The following TXNDC16 variants were observed in gnomAD, a reference collection of about 807,000 sequenced individuals.
The protein encoded by TXNDC16 is thioredoxin domain-containing protein 16.
Under a neutral mutation model 85.6 loss-of-function variants are expected in TXNDC16, and 74 were observed. The observed-to-expected ratio is 0.86, with a 90% CI of 0.72 to 1.05. The LOEUF (loss-of-function observed/expected upper bound fraction) is 1.05. TXNDC16 is among the 50% of genes least tolerant of loss of function. The probability of loss-of-function intolerance (pLI) is 0.00; values close to 1 mark genes in which losing one functional copy is unlikely to be tolerated. For synonymous variants in TXNDC16, 335 were observed against 326.5 expected (o/e 1.03, Z -0.28); for missense variants, 959 against 947.0 (o/e 1.01, Z -0.17).
chr14:52,461,095 CTTTT>C (rs923118391), intron 16 of TXNDC16, among the ~76,000 whole-genome samples: 1 of 147,390 alleles, frequency 6.8e-6, no homozygotes. Flanking sequence ...TAAATAACTT[CTTTT>C]TTTCTCACAT....
At chr14:52,497,351 G>A (rs2036555423) in intron 9 of TXNDC16, among the ~76,000 whole-genome samples, 1 of 152,012 alleles carries the variant, frequency 6.6e-6, no homozygotes, top group South Asian at 2.1e-4. Flanking sequence ...TCCCAACAAA[G>A]AAAAGTCCAG....
chr14:52,508,764 T>C (rs938295990), intron 9 of TXNDC16, among the ~76,000 whole-genome samples: 23 of 152,118 alleles, frequency 1.5e-4, no homozygotes, highest in Admixed American at 1.0e-3. Context: ...ATGTCCTTTG[T>C]AGGGACATGG....
chr14:52,478,644 T>C (rs1205848319), intron 14 of TXNDC16, among the ~76,000 whole-genome samples: 2 of 151,918 alleles, frequency 1.3e-5, no homozygotes, highest in African/African-American at 4.8e-5. Flanking sequence ...AACAGTGCAA[T>C]ATCAACCAGT....
chr14:52,488,359 T>C lies in TXNDC16; in HGVS notation c.1108+4A>G. ...GGGAAGGGGTGAGAATCATAACACATTACCTATATCTGGACCTTCCATGTC... is the reference window on the plus strand; with the variant it reads ...GGGAAGGGGTGAGAATCATAACACACTACCTATATCTGGACCTTCCATGTC... On this transcript the variant is annotated splice_donor_region_variant and intron_variant, in intron 12 of 20. Transcript: ENST00000281741. 1.2e-6 allele frequency: 2 copies of C among 1,612,930 alleles called. No individual in the cohort carries two copies. The highest frequency in any genetic ancestry group is 1.1e-5 in the South Asian group (1 of 90,956).
intron 9 of TXNDC16, among the ~76,000 whole-genome samples, chr14:52,505,568 G>A (rs2036776989): frequency 6.6e-6 from 1 of 152,202 alleles, no homozygotes; most frequent in Non-Finnish European, 1.5e-5. Context: ...TCAAAGCAGT[G>A]TGTAGAGGGA....
chr14:52,436,692 T>C (rs957007158), intron 20 of TXNDC16, among the ~76,000 whole-genome samples: 1 of 152,168 alleles, frequency 6.6e-6, no homozygotes, highest in Admixed American at 6.5e-5. Flanking sequence ...GTGTAATGAT[T>C]GACCCTAAAA....
At chr14:52,496,171 A>AG (rs1476221722) in intron 9 of TXNDC16, among the ~76,000 whole-genome samples, 2 of 152,060 alleles carry the variant, frequency 1.3e-5, no homozygotes, top group African/African-American at 4.8e-5. Flanking sequence ...AAAAAAAAAA[A>AG]AAGAGACAGA....
At chr14:52,483,682 C>T (rs2036200935) in intron 12 of TXNDC16, among the ~76,000 whole-genome samples, 1 of 152,148 alleles carries the variant, frequency 6.6e-6, no homozygotes, top group Non-Finnish European at 1.5e-5. Flanking sequence ...TCCAAAAAGC[C>T]TCAAGTTATG....
chr14:52,526,397 G>A (rs1483162289), intron 6 of TXNDC16, among the ~76,000 whole-genome samples: 1 of 152,070 alleles, frequency 6.6e-6, no homozygotes, highest in South Asian at 2.1e-4. Flanking sequence ...GTGAAACCTT[G>A]TAATATATAT....
At chr14:52,495,251 A>G (rs533172822) in intron 9 of TXNDC16, among the ~76,000 whole-genome samples, 1 of 152,290 alleles carries the variant, frequency 6.6e-6, no homozygotes, top group East Asian at 1.9e-4. Context: ...CATGGCTAAT[A>G]AGCTGTTGCT....
chr14:52,548,048 A>G (rs2037975119), intron 1 of TXNDC16, among the ~76,000 whole-genome samples: 1 of 152,162 alleles, frequency 6.6e-6, no homozygotes, highest in African/African-American at 2.4e-5. Flanking sequence ...ACCACAACAC[A>G]CTTTCCCTCT....
chr14:52,444,539 G>A (rs1434239350), intron 18 of TXNDC16, among the ~76,000 whole-genome samples: 1 of 152,054 alleles, frequency 6.6e-6, no homozygotes, highest in East Asian at 1.9e-4. Flanking sequence ...TATTATAGCT[G>A]TTCAGTATTA....
intron 5 of TXNDC16, 119 bp downstream of exon 5, chr14:52,537,480 A>T: frequency 1.4e-6 from 1 of 727,958 alleles, no homozygotes. Flanking sequence ...ACTTTTGGTT[A>T]AGCTTTACAT....
intron 9 of TXNDC16, among the ~76,000 whole-genome samples, chr14:52,500,749 TAA>T (rs2140167180): frequency 6.6e-6 from 1 of 152,322 alleles, no homozygotes; most frequent in South Asian, 2.1e-4. Flanking sequence ...ATTTCCTATA[TAA>T]AAGAGTAGGT....
At chr14:52,504,587 G>C (rs1009568888) in intron 9 of TXNDC16, among the ~76,000 whole-genome samples, 1 of 152,120 alleles carries the variant, frequency 6.6e-6, no homozygotes, top group African/African-American at 2.4e-5. Flanking sequence ...ACATGGAAAG[G>C]AACAACCGGT....
Position 52,513,754 on chromosome 14 carries a change from AC to A in TXNDC16, c.605+1125del, listed in dbSNP as rs1194880915. ...GTGTAAGGTAAATAATAGGACCTAT[AC>A]CTTGCCAATAAATAACCACCTCTTT... On this transcript the variant is annotated intron_variant, in intron 8 of 20. Coordinates refer to ENST00000281741, the MANE Select transcript of TXNDC16 (RefSeq NM_020784.3). Among the ~76,000 whole-genome samples the A allele has an allele frequency of 6.6e-5, 10 of 151,962 alleles. No homozygotes were observed. In the East Asian group the frequency reaches 1.9e-3, roughly 29 times the overall value.
At chr14:52,530,429 A>ATTAT (rs2037509643) in intron 6 of TXNDC16, among the ~76,000 whole-genome samples, 1 of 17,994 alleles carries the variant, frequency 5.6e-5, no homozygotes, top group African/African-American at 3.0e-4. Context: ...TATTATATAT[A>ATTAT]ATAATATATA....
chr14:52,545,598 C>T (rs1566592089), intron 1 of TXNDC16, among the ~76,000 whole-genome samples: 1 of 152,146 alleles, frequency 6.6e-6, no homozygotes, highest in Admixed American at 6.6e-5. Context: ...AGGAAACATG[C>T]AGCTAGGGTG....
chr14:52,518,316 A>G (rs534413918), intron 7 of TXNDC16, among the ~76,000 whole-genome samples: 29 of 152,286 alleles, frequency 1.9e-4, no homozygotes, highest in African/African-American at 5.8e-4. Context: ...TACCATACTC[A>G]TATCTCTATT....
Sources: allele counts gnomAD v4.1 joint callset (sites outside exome capture counted in the v4.1 genomes callset), GRCh38; gene constraint gnomAD v4.1.1; transcripts MANE v1.5; gene names NCBI Gene and HGNC (gene_info 2026-07-23, HGNC 2026-07-21).